Variants in ROBO2 observed in about 807,000 individuals in gnomAD.
ROBO2 encodes the protein roundabout guidance receptor 2, also known as roundabout homolog 2.
A neutral mutation model predicts 160.8 loss-of-function variants in ROBO2; 53 were observed. The ratio of observed to expected loss-of-function variants is 0.33; its 90% CI spans 0.26 to 0.41. The LOEUF (loss-of-function observed/expected upper bound fraction) is 0.41, where lower values mean the gene tolerates loss of function less well. ROBO2 is among the 10% of genes least tolerant of loss of function. The pLI is 1.00. For synonymous variants in ROBO2, 664 were observed against 611.7 expected, an observed-to-expected ratio of 1.09 and a Z score of -1.26; for missense variants, 1,577 against 1,722.4, an observed-to-expected ratio of 0.92 and a Z score of 1.49.
At chr3:77,196,625 A>G (rs528182466) in intron 2 of ROBO2, among the ~76,000 whole-genome samples, 1 of 152,226 alleles carries the variant, frequency 6.6e-6, no homozygotes, top group Non-Finnish European at 1.5e-5. Flanking sequence ...GTTCAAGGGC[A>G]TATGTACATG....
At chr3:76,556,270 T>C (rs1175992806) in intron 2 of ROBO2, among the ~76,000 whole-genome samples, 1 of 152,160 alleles carries the variant, frequency 6.6e-6, no homozygotes. Flanking sequence ...TTCCATATGT[T>C]TTCCACCTTA....
At chr3:77,112,217 A>C (rs1478523223) in intron 2 of ROBO2, among the ~76,000 whole-genome samples, 2 of 102,762 alleles carry the variant, frequency 1.9e-5, no homozygotes, top group Admixed American at 9.8e-5. Context: ...AAAAAAAAAA[A>C]GGAGAAAGAT....
chr3:76,223,815 A>G (rs914502948), intron 2 of ROBO2, among the ~76,000 whole-genome samples: 1 of 152,178 alleles, frequency 6.6e-6, no homozygotes, highest in Non-Finnish European at 1.5e-5. Context: ...TGATCTCATC[A>G]TTTGTCCAGT....
At chr3:76,936,483 G>A (rs920086493) in intron 2 of ROBO2, among the ~76,000 whole-genome samples, 4 of 152,030 alleles carry the variant, frequency 2.6e-5, no homozygotes, top group African/African-American at 9.7e-5. Context: ...AAATGAAAAT[G>A]TAAGGGTGGA....
intron 2 of ROBO2, among the ~76,000 whole-genome samples, chr3:76,501,886 A>C (rs974454866): frequency 7.2e-5 from 11 of 152,128 alleles, no homozygotes; most frequent in African/African-American, 2.7e-4. Flanking sequence ...TGTTTGACTT[A>C]TTGTCAAAAG....
chr3:76,816,905 G>A (rs1364546340), intron 2 of ROBO2, among the ~76,000 whole-genome samples: 1 of 152,060 alleles, frequency 6.6e-6, no homozygotes, highest in Non-Finnish European at 1.5e-5. Context: ...AAAAGGATGA[G>A]TTCATGTCAT....
At chr3:76,613,859 T>G (rs966400977) in intron 2 of ROBO2, among the ~76,000 whole-genome samples, 4 of 152,110 alleles carry the variant, frequency 2.6e-5, no homozygotes, top group African/African-American at 9.7e-5. Context: ...GATTCATGTC[T>G]GAACTAAAAA....
At chr3:76,559,516 T>C (rs904263757) in intron 2 of ROBO2, among the ~76,000 whole-genome samples, 2 of 152,128 alleles carry the variant, frequency 1.3e-5, no homozygotes, top group African/African-American at 4.8e-5. Context: ...ACAAATAATG[T>C]ACAAACTTTT....
chr3:77,005,650 T>C (rs964859912), intron 2 of ROBO2, among the ~76,000 whole-genome samples: 3 of 152,148 alleles, frequency 2.0e-5, no homozygotes, highest in Non-Finnish European at 2.9e-5. Flanking sequence ...CAGTAGAAGG[T>C]TGTAAGGAAA....
intron 2 of ROBO2, among the ~76,000 whole-genome samples, chr3:76,426,452 G>A (rs930668097): frequency 3.9e-5 from 6 of 152,150 alleles, no homozygotes; most frequent in South Asian, 4.2e-4. Context: ...AGACATCTGC[G>A]TCCTACAGAG....
intron 2 of ROBO2, among the ~76,000 whole-genome samples, chr3:76,874,799 C>A (rs73127278): frequency 6.6e-6 from 1 of 152,206 alleles, no homozygotes; most frequent in Non-Finnish European, 1.5e-5. Context: ...GTGCCAGACC[C>A]GGACAGGCCA....
intron 2 of ROBO2, among the ~76,000 whole-genome samples, chr3:76,064,237 T>C (rs1192274048): frequency 6.6e-6 from 1 of 152,208 alleles, no homozygotes; most frequent in Non-Finnish European, 1.5e-5. Flanking sequence ...TGCTCGTGTG[T>C]TGTGTTACGC....
intron 2 of ROBO2, among the ~76,000 whole-genome samples, chr3:76,069,091 A>G (rs531965646): frequency 6.4e-4 from 98 of 152,162 alleles, no homozygotes; most frequent in African/African-American, 2.3e-3. Context: ...CTATGCCTAT[A>G]CTGCCAATTT....
chr3:77,599,845 G>A (rs897289122), intron 19 of ROBO2, among the ~76,000 whole-genome samples: 4 of 152,020 alleles, frequency 2.6e-5, no homozygotes, highest in African/African-American at 9.7e-5. Flanking sequence ...AAAACACTGG[G>A]TGAGCAACTA....
chr3:76,008,184 G>T (rs2066078867), intron 2 of ROBO2, among the ~76,000 whole-genome samples: 1 of 131,958 alleles, frequency 7.6e-6, no homozygotes, highest in Middle Eastern at 5.3e-3. Context: ...GCAGTGAGCT[G>T]AGATCGCACC....
At chr3:76,208,504 CTCTTAGACACCAAAGA>C (rs1702943746) in intron 2 of ROBO2, among the ~76,000 whole-genome samples, 3 of 152,144 alleles carry the variant, frequency 2.0e-5, no homozygotes, top group Admixed American at 2.0e-4. Flanking sequence ...AGCACCGTGT[CTCTTAGACACCAAAGA>C]TCTTAGACAC....
intron 2 of ROBO2, among the ~76,000 whole-genome samples, chr3:76,865,474 C>CA (rs2071270531): frequency 6.6e-6 from 1 of 152,022 alleles, no homozygotes; most frequent in South Asian, 2.1e-4. Flanking sequence ...GTCCACGGAC[C>CA]ACACTTTGAG....
At chr3:76,189,894 G>A (rs1701929992) in intron 2 of ROBO2, among the ~76,000 whole-genome samples, 1 of 152,026 alleles carries the variant, frequency 6.6e-6, no homozygotes, top group Non-Finnish European at 1.5e-5. Context: ...CTTGTCTAAA[G>A]GCATACAAAG....
chr3:77,403,617 TA>T (rs1310029144), intron 2 of ROBO2, among the ~76,000 whole-genome samples: 1 of 36,326 alleles, frequency 2.8e-5, no homozygotes, highest in African/African-American at 1.4e-4. Context: ...TGTGTGTGTG[TA>T]TTTTTTTTTT....
Sources: allele counts gnomAD v4.1 joint callset (sites outside exome capture counted in the v4.1 genomes callset), GRCh38; gene constraint gnomAD v4.1.1; transcripts MANE v1.5; gene names NCBI Gene and HGNC (gene_info 2026-07-23, HGNC 2026-07-21).